The following CTNNA2 variants were observed in gnomAD, a reference collection of about 807,000 sequenced individuals.
CTNNA2 encodes catenin alpha-2.
Under a neutral mutation model 101.0 loss-of-function variants are expected in CTNNA2, and 42 were observed. That is an observed-to-expected ratio of 0.42 (90% CI 0.32 to 0.54). The LOEUF is 0.54. Among genes scored for constraint, CTNNA2 ranks in the 20% least tolerant of loss-of-function variants. The pLI, the probability that CTNNA2 is intolerant of heterozygous loss-of-function variation, is 0.14. For missense variants in CTNNA2, 871 were observed against 1,223.1 expected, an observed-to-expected ratio of 0.71 and a Z score of 4.29; for synonymous variants, 450 against 456.4, an observed-to-expected ratio of 0.99 and a Z score of 0.18.
chr2:79,686,770 A>G (rs1683959140), intron 2 of CTNNA2, among the ~76,000 whole-genome samples: 1 of 152,236 alleles, frequency 6.6e-6, no homozygotes, highest in East Asian at 1.9e-4. Flanking sequence ...ACACCCTGCT[A>G]CTGTACAGTG....
chr2:80,437,118 C>T (rs1682109325), intron 9 of CTNNA2, among the ~76,000 whole-genome samples: 2 of 152,170 alleles, frequency 1.3e-5, no homozygotes, highest in South Asian at 4.1e-4. Flanking sequence ...AAAAGGCCCT[C>T]ACTGGGCACT....
chr2:80,224,504 G>A (rs555948942), intron 7 of CTNNA2, among the ~76,000 whole-genome samples: 2 of 152,222 alleles, frequency 1.3e-5, no homozygotes, highest in South Asian at 4.1e-4. Flanking sequence ...GAGTACAGTG[G>A]TGTGATCTCG....
At chr2:80,583,225 A>G (rs1695691307) in intron 14 of CTNNA2, among the ~76,000 whole-genome samples, 1 of 152,176 alleles carries the variant, frequency 6.6e-6, no homozygotes, top group Non-Finnish European at 1.5e-5. Context: ...AATAGGCACA[A>G]TATTAGACAT....
chr2:79,663,294 C>A (rs564499756), intron 2 of CTNNA2, among the ~76,000 whole-genome samples: 1 of 152,308 alleles, frequency 6.6e-6, no homozygotes, highest in African/African-American at 2.4e-5. Flanking sequence ...CCAGAGTGAT[C>A]ATTGAAAACA....
chr2:79,209,713 G>A (rs1021018163), intron 2 of CTNNA2, among the ~76,000 whole-genome samples: 1 of 48,704 alleles, frequency 2.1e-5, no homozygotes, highest in African/African-American at 2.1e-4. Context: ...CCAATTAAAA[G>A]AGCTTATCTA....
intron 4 of CTNNA2, among the ~76,000 whole-genome samples, chr2:79,409,304 T>G (rs35205991): frequency 0.26 from 39,619 of 151,378 alleles, 5,298 homozygotes; most frequent in South Asian, 0.44. Context: ...TTTAGTTTAA[T>G]TACATCCCAT....
chr2:79,575,115 C>T (rs1675706733), intron 1 of CTNNA2, among the ~76,000 whole-genome samples: 1 of 152,084 alleles, frequency 6.6e-6, no homozygotes, highest in Admixed American at 6.6e-5. Flanking sequence ...TGTTCAGTTT[C>T]AATGTTGTAC....
At chr2:79,593,222 T>C (rs913315327) in intron 1 of CTNNA2, among the ~76,000 whole-genome samples, 3 of 152,332 alleles carry the variant, frequency 2.0e-5, no homozygotes, top group East Asian at 1.9e-4. Context: ...TGAGTACTCA[T>C]TGGCACTTCA....
At chr2:79,943,697 T>C (rs1688307320) in intron 7 of CTNNA2, among the ~76,000 whole-genome samples, 1 of 152,218 alleles carries the variant, frequency 6.6e-6, no homozygotes, top group South Asian at 2.1e-4. Context: ...GTGTAGTATT[T>C]TTACCTGGGT....
At chr2:79,860,063 C>A (rs947923222) in intron 4 of CTNNA2, among the ~76,000 whole-genome samples, 3 of 152,168 alleles carry the variant, frequency 2.0e-5, no homozygotes, top group Non-Finnish European at 4.4e-5. Context: ...TGCCATTCCT[C>A]CAGTCTGTCT....
intron 2 of CTNNA2, among the ~76,000 whole-genome samples, chr2:79,286,287 T>TC (rs577505857): frequency 3.3e-5 from 5 of 152,162 alleles, no homozygotes; most frequent in Non-Finnish European, 5.9e-5. Flanking sequence ...GTGAATTTGA[T>TC]CTGTCATTAT....
chr2:80,606,751 T>C (rs541645623), intron 16 of CTNNA2, among the ~76,000 whole-genome samples: 3 of 151,956 alleles, frequency 2.0e-5, no homozygotes, highest in Non-Finnish European at 4.4e-5. Context: ...AAATATTTTA[T>C]AAAGATTTGA....
At chr2:79,834,947 C>T (rs1482665828) in intron 3 of CTNNA2, among the ~76,000 whole-genome samples, 1 of 152,124 alleles carries the variant, frequency 6.6e-6, no homozygotes, top group African/African-American at 2.4e-5. Flanking sequence ...AGTCCATCCA[C>T]CCCTATTTGT....
chr2:79,947,498 A>G (rs1021901737), intron 7 of CTNNA2, among the ~76,000 whole-genome samples: 7 of 152,184 alleles, frequency 4.6e-5, no homozygotes, highest in Non-Finnish European at 1.0e-4. Flanking sequence ...AGCCTTTCTT[A>G]TAAAGTAGTA....
intron 18 of CTNNA2, among the ~76,000 whole-genome samples, chr2:80,638,393 A>G (rs984837661): frequency 1.3e-5 from 2 of 152,082 alleles, no homozygotes; most frequent in African/African-American, 2.4e-5. Flanking sequence ...TTTTTGTTAC[A>G]TGGAAACCAA....
At chr2:80,116,289 G>A (rs1409024381) in intron 7 of CTNNA2, among the ~76,000 whole-genome samples, 1 of 150,058 alleles carries the variant, frequency 6.7e-6, no homozygotes, top group Non-Finnish European at 1.5e-5. Context: ...TATGGACTGT[G>A]TTCTGGCTGT....
At chr2:80,066,989 G>A (rs1395541024) in intron 7 of CTNNA2, among the ~76,000 whole-genome samples, 2 of 152,130 alleles carry the variant, frequency 1.3e-5, no homozygotes, top group African/African-American at 4.8e-5. Context: ...GCCAGGCATA[G>A]AAAGAAAATA....
At position 80,253,976 on chromosome 2, in the gene CTNNA2, G is replaced by C. The variant is rs188144450; in HGVS notation, c.1057-139235G>C. ...GATAGGTCTGGGGTAAGATCATAGAGAGTGCTGAAGAAAAGAGGCATTCCA... is the reference window on the plus strand; with the variant it reads ...GATAGGTCTGGGGTAAGATCATAGACAGTGCTGAAGAAAAGAGGCATTCCA... On this transcript the variant is annotated intron_variant, in intron 7 of 18. Coordinates refer to ENST00000402739, the MANE Select transcript of CTNNA2 (RefSeq NM_001282597.3). Among the ~76,000 whole-genome samples, 61 of 152,228 alleles carry C rather than the reference G, an allele frequency of 4.0e-4. 1 individual carries two copies. The highest frequency in any genetic ancestry group is 2.8e-3 in the Admixed American group (43 of 15,274).
At chr2:80,097,426 G>A (rs960469443) in intron 7 of CTNNA2, among the ~76,000 whole-genome samples, 5 of 152,052 alleles carry the variant, frequency 3.3e-5, no homozygotes, top group Non-Finnish European at 7.4e-5. Flanking sequence ...TTTCTCTCTG[G>A]CTGCCCTTAA....
Sources: allele counts gnomAD v4.1 joint callset (sites outside exome capture counted in the v4.1 genomes callset), GRCh38; gene constraint gnomAD v4.1.1; transcripts MANE v1.5; gene names NCBI Gene and HGNC (gene_info 2026-07-23, HGNC 2026-07-21).